Variants in SORBS2 observed in about 807,000 individuals in gnomAD.
The protein encoded by SORBS2 is sorbin and SH3 domain-containing protein 2.
In SORBS2, 46 loss-of-function variants were observed where a neutral mutation model predicts 97.7. The ratio of observed to expected loss-of-function variants is 0.47; its 90% CI spans 0.37 to 0.60. SORBS2 has a LOEUF of 0.60. SORBS2 is among the 20% of genes least tolerant of loss of function. The probability of loss-of-function intolerance (pLI) is 0.00; values close to 1 mark genes in which losing one functional copy is unlikely to be tolerated. For missense variants in SORBS2, 1,316 were observed against 1,282.3 expected (o/e 1.03, Z -0.40); for synonymous variants, 476 against 473.4 (o/e 1.01, Z -0.07).
At chr4:185,753,236 C>A (rs924513116) in intron 2 of SORBS2, among the ~76,000 whole-genome samples, 1 of 151,948 alleles carries the variant, frequency 6.6e-6, no homozygotes, top group Non-Finnish European at 1.5e-5. Flanking sequence ...CCCATAAACA[C>A]AAAAAATAAA....
chr4:185,621,774 C>T (rs2096724683), intron 7 of SORBS2, among the ~76,000 whole-genome samples: 1 of 152,048 alleles, frequency 6.6e-6, no homozygotes, highest in African/African-American at 2.4e-5. Context: ...ATATTTTATA[C>T]TATAAATTCT....
intron 2 of SORBS2, among the ~76,000 whole-genome samples, chr4:185,764,991 T>C (rs956882597): frequency 3.3e-5 from 5 of 152,168 alleles, no homozygotes; most frequent in Non-Finnish European, 5.9e-5. Flanking sequence ...ATTCCTTCCT[T>C]TGTCTGGTTG....
intron 2 of SORBS2, among the ~76,000 whole-genome samples, chr4:185,680,568 T>C (rs2097853823): frequency 6.6e-6 from 1 of 152,214 alleles, no homozygotes; most frequent in Non-Finnish European, 1.5e-5. Flanking sequence ...AATGCTACTT[T>C]ATGAAAAGAG....
chr4:185,949,528 C>T (rs2099276159), intron 1 of SORBS2, among the ~76,000 whole-genome samples: 2 of 151,844 alleles, frequency 1.3e-5, no homozygotes, highest in African/African-American at 4.8e-5. Flanking sequence ...TGATTGCAAC[C>T]ACACTTTGGA....
chr4:185,881,476 T>C (rs1454993909), intron 1 of SORBS2, among the ~76,000 whole-genome samples: 1 of 152,086 alleles, frequency 6.6e-6, no homozygotes, highest in Non-Finnish European at 1.5e-5. Context: ...ACATCAAGCA[T>C]GAAGAAAGAA....
intron 2 of SORBS2, among the ~76,000 whole-genome samples, chr4:185,745,825 T>C (rs186042401): frequency 6.6e-6 from 1 of 152,210 alleles, no homozygotes; most frequent in Non-Finnish European, 1.5e-5. Flanking sequence ...GTGTGACTGA[T>C]CGCTGCAGTG....
At chr4:185,928,347 T>TGA (rs2099264739) in intron 1 of SORBS2, among the ~76,000 whole-genome samples, 1 of 152,086 alleles carries the variant, frequency 6.6e-6, no homozygotes, top group Non-Finnish European at 1.5e-5. Context: ...GAGGCTGCAG[T>TGA]GAGCTATGAC....
At chr4:185,925,831 G>A (rs914327290) in intron 1 of SORBS2, among the ~76,000 whole-genome samples, 2 of 152,128 alleles carry the variant, frequency 1.3e-5, no homozygotes, top group East Asian at 3.9e-4. Flanking sequence ...ATAGAGTCCG[G>A]GTGCAGGGTG....
intron 2 of SORBS2, among the ~76,000 whole-genome samples, chr4:185,732,249 T>C (rs2098646720): frequency 6.6e-6 from 1 of 152,112 alleles, no homozygotes; most frequent in South Asian, 2.1e-4. Flanking sequence ...CACATCAGGC[T>C]TTAGAAAAAC....
At chr4:185,896,028 A>G (rs977238385) in intron 1 of SORBS2, among the ~76,000 whole-genome samples, 1 of 152,180 alleles carries the variant, frequency 6.6e-6, no homozygotes, top group African/African-American at 2.4e-5. Flanking sequence ...CATTGACCAC[A>G]ATTATCCAGC....
At chr4:185,794,120 G>T (rs1356247740) in intron 1 of SORBS2, among the ~76,000 whole-genome samples, 1 of 152,198 alleles carries the variant, frequency 6.6e-6, no homozygotes, top group South Asian at 2.1e-4. Flanking sequence ...TTAAAACTAA[G>T]TGACCAAACA....
At chr4:185,730,452 T>C (rs1248177756) in intron 2 of SORBS2, among the ~76,000 whole-genome samples, 1 of 152,188 alleles carries the variant, frequency 6.6e-6, no homozygotes, top group Non-Finnish European at 1.5e-5. Flanking sequence ...GTGTCACCCA[T>C]TGTGTGCAGC....
intron 1 of SORBS2, among the ~76,000 whole-genome samples, chr4:185,946,126 T>A (rs1247079081): frequency 2.1e-5 from 3 of 142,660 alleles, no homozygotes; most frequent in Middle Eastern, 3.4e-3. Flanking sequence ...TTTCTATGCA[T>A]GTGTGTGACA....
intron 1 of SORBS2, among the ~76,000 whole-genome samples, chr4:185,782,338 T>C (rs996615645): frequency 6.6e-6 from 1 of 152,238 alleles, no homozygotes; most frequent in Non-Finnish European, 1.5e-5. Context: ...ATATAATATG[T>C]TCTGTTATCT....
chr4:185,620,125 A>G (rs1379462012), exon 8 of SORBS2: 3 of 1,611,732 alleles, frequency 1.9e-6, no homozygotes, highest in East Asian at 2.2e-5. Context: ...GTCAAAGTGG[A>G]TGAGTAACTT....
chr4:185,801,594 T>C (rs1024266280), intron 1 of SORBS2, among the ~76,000 whole-genome samples: 3 of 152,218 alleles, frequency 2.0e-5, no homozygotes, highest in Non-Finnish European at 4.4e-5. Context: ...TTTCCATACG[T>C]CTGTTTGCCA....
chr4:185,765,823 T>G (rs1380178811), intron 2 of SORBS2, among the ~76,000 whole-genome samples: 1 of 152,218 alleles, frequency 6.6e-6, no homozygotes, highest in Admixed American at 6.5e-5. Flanking sequence ...GAATTTACCT[T>G]TTCACTCGGC....
At chr4:185,585,718 G>T (rs530459909) in exon 15 of SORBS2, 1 of 152,130 alleles carries the variant, frequency 6.6e-6, no homozygotes, top group South Asian at 2.1e-4. Flanking sequence ...CTCATAAATG[G>T]CATCAAAGAG....
chr4:185,858,204 G>T (rs925464297), intron 1 of SORBS2, among the ~76,000 whole-genome samples: 2 of 152,162 alleles, frequency 1.3e-5, no homozygotes, highest in African/African-American at 4.8e-5. Context: ...AAATAGAAAA[G>T]AACCTACGTT....
Sources: allele counts gnomAD v4.1 joint callset (sites outside exome capture counted in the v4.1 genomes callset), GRCh38; gene constraint gnomAD v4.1.1; transcripts MANE v1.5; gene names NCBI Gene and HGNC (gene_info 2026-07-23, HGNC 2026-07-21).